Variants in GABPB1 observed in about 807,000 individuals in gnomAD.
GABPB1 encodes GA-binding protein subunit beta-1.
In GABPB1, 15 loss-of-function variants were observed where a neutral mutation model predicts 45.9. The ratio of observed to expected loss-of-function variants is 0.33; its 90% CI spans 0.22 to 0.50. The LOEUF (loss-of-function observed/expected upper bound fraction) is 0.50. Among genes scored for constraint, GABPB1 ranks in the 20% least tolerant of loss-of-function variants. The pLI is 0.98. For missense variants in GABPB1, 252 were observed against 457.5 expected (o/e 0.55, Z 4.10); for synonymous variants, 143 against 154.4 (o/e 0.93, Z 0.55).
intron 1 of GABPB1, among the ~76,000 whole-genome samples, chr15:50,345,097 T>C (rs933721580): frequency 4.6e-5 from 7 of 152,040 alleles, no homozygotes; most frequent in African/African-American, 1.7e-4. Flanking sequence ...CAAGTACTGA[T>C]GAGACTAACA....
Position 50,300,759 on chromosome 15 carries a change from T to C in GABPB1, c.697+30A>G, listed in dbSNP as rs372260818. ...GGCACCCAGCCTGAATCTGCAATTT[T>C]AATGTACACATTAGACTCGTTTTTC... On this transcript the variant is annotated intron_variant, in intron 6 of 8. Transcript: ENST00000380877. 5.0e-6 allele frequency: 7 copies of C among 1,386,976 alleles called. No homozygotes were observed. The African/African-American group carries it at 9.9e-5, about 20-fold the overall frequency. The allele number at this position is 1,386,976 out of a possible 1,614,324, so 85.9% of individuals were successfully genotyped here. A position where few individuals can be genotyped will look rare whatever the true frequency, so the allele number is the denominator to read the frequency against.
chr15:50,279,666 A>G (rs1343383060), intron 8 of GABPB1, among the ~76,000 whole-genome samples: 1 of 152,178 alleles, frequency 6.6e-6, no homozygotes, highest in Non-Finnish European at 1.5e-5. Context: ...AAGTGAGCAC[A>G]AGGACAAAAG....
intron 1 of GABPB1, among the ~76,000 whole-genome samples, chr15:50,321,812 T>A (rs1306946210): frequency 2.0e-5 from 3 of 152,160 alleles, no homozygotes; most frequent in Non-Finnish European, 4.4e-5. Flanking sequence ...AATGTTTGCC[T>A]TTTTTAAATG....
chr15:50,319,519 T>A (rs4775876), intron 1 of GABPB1, among the ~76,000 whole-genome samples: 71,506 of 151,882 alleles, frequency 0.47, 18,261 homozygotes, highest in Middle Eastern at 0.65. Flanking sequence ...CACGTATAAG[T>A]CAGAACTGTG....
intron 6 of GABPB1, among the ~76,000 whole-genome samples, chr15:50,292,776 A>G (rs1375125095): frequency 6.6e-6 from 1 of 152,156 alleles, no homozygotes; most frequent in Non-Finnish European, 1.5e-5. Context: ...GATACATGCC[A>G]AAGTAAAGGT....
At chr15:50,296,361 A>T (rs6493426) in intron 6 of GABPB1, among the ~76,000 whole-genome samples, 19 of 152,116 alleles carry the variant, frequency 1.2e-4, no homozygotes, top group Non-Finnish European at 2.5e-4. Flanking sequence ...CTATTACTAG[A>T]AAAAGCTATA....
chr15:50,316,740 CACAA>C (rs1414173879), intron 1 of GABPB1, among the ~76,000 whole-genome samples: 6 of 151,916 alleles, frequency 3.9e-5, no homozygotes, highest in East Asian at 1.9e-4. Flanking sequence ...AAAAAACAAC[CACAA>C]ACAATGATTA....
chr15:50,300,727 G>T, intron 6 of GABPB1, 62 bp downstream of exon 6: 1 of 1,033,990 alleles, frequency 9.7e-7, no homozygotes, highest in East Asian at 2.4e-5. Context: ...TTACAGGTGT[G>T]AGCCACGGCA....
chr15:50,327,518 G>A (rs11855823), intron 1 of GABPB1, among the ~76,000 whole-genome samples: 74,780 of 151,946 alleles, frequency 0.49, 19,501 homozygotes, highest in Middle Eastern at 0.65. Flanking sequence ...TTCACCATCT[G>A]GTAGGGAAGA....
At chr15:50,289,444 A>G in intron 7 of GABPB1, 39 bp downstream of exon 7, 1 of 1,401,250 alleles carries the variant, frequency 7.1e-7, no homozygotes, top group South Asian at 1.4e-5. Flanking sequence ...AATTAAAAAA[A>G]AAAAACATAC....
chr15:50,306,620 C>G (rs2046957715), intron 2 of GABPB1, among the ~76,000 whole-genome samples: 1 of 146,196 alleles, frequency 6.8e-6, no homozygotes, highest in South Asian at 2.2e-4. Context: ...GAGCGAAACT[C>G]TGTCTCAAAA....
At chr15:50,306,027 T>C (rs1001399527) in intron 2 of GABPB1, among the ~76,000 whole-genome samples, 3 of 152,062 alleles carry the variant, frequency 2.0e-5, no homozygotes, top group African/African-American at 7.2e-5. Flanking sequence ...CAGGCTAGAA[T>C]GCAGTGGAGC....
chr15:50,304,126 GT>G lies in GABPB1; in HGVS notation c.115del (p.Thr39LeufsTer6). On this transcript the variant is annotated frameshift_variant, in exon 3 of 9. Transcript: ENST00000380877. LOFTEE classifies it high-confidence loss of function. ...CTGTGCTGCTAGATGAAGTGGAGAA[GT>G]TCCCAGCTGTACCACAGAAAAAAAA... ...GAPFTTDWLGTSPLHLAAQYG... is the reference protein window; with the variant it reads ...GAPFTTDWLGXSPLHLAAQYG... 1 of 1,581,474 alleles carries G rather than the reference GT, an allele frequency of 6.3e-7. No individual in the cohort carries two copies. The highest frequency in any genetic ancestry group is 1.2e-5 in the South Asian group (1 of 84,252).
chr15:50,290,129 G>A (rs1195478581), intron 6 of GABPB1, among the ~76,000 whole-genome samples: 1 of 152,162 alleles, frequency 6.6e-6, no homozygotes, highest in African/African-American at 2.4e-5. Flanking sequence ...GTCGCCAGAG[G>A]TGTTGGAGAT....
At chr15:50,350,140 A>G (rs946335266) in intron 1 of GABPB1, 4 of 151,948 alleles carry the variant, frequency 2.6e-5, no homozygotes, top group African/African-American at 9.7e-5. Flanking sequence ...GTTGTTTACA[A>G]TTTTACCATA....
chr15:50,331,079 A>C (rs1450756145), intron 1 of GABPB1, among the ~76,000 whole-genome samples: 4 of 152,212 alleles, frequency 2.6e-5, no homozygotes, highest in Non-Finnish European at 5.9e-5. Context: ...CATGATGCAC[A>C]AGTCATTCTC....
chr15:50,286,014 T>C (rs776534214), intron 8 of GABPB1, 54 bp downstream of exon 8: 18 of 1,582,308 alleles, frequency 1.1e-5, no homozygotes, highest in South Asian at 2.3e-5. Context: ...ACAAAAAAAA[T>C]TGAATTTATT....
Position 50,324,708 on chromosome 15 carries a change from C to A in GABPB1, c.1-14910G>T, listed in dbSNP as rs369709342. Among the ~76,000 whole-genome samples the A allele has an allele frequency of 9.2e-5, 14 of 152,070 alleles. No individual in the cohort carries two copies. The East Asian group carries it at 2.7e-3, about 29-fold the overall frequency. On this transcript the variant is annotated intron_variant, in intron 1 of 8. Transcript: ENST00000380877. The stretch of plus-strand genomic sequence containing the variant: ...TACAGGCGCATGCCACCACGCCCAG[C>A]TAATTTTTTTGTATTTTTAGTAGAG...
At chr15:50,302,005 G>A (rs978065063) in intron 4 of GABPB1, among the ~76,000 whole-genome samples, 3 of 152,136 alleles carry the variant, frequency 2.0e-5, no homozygotes, top group Non-Finnish European at 4.4e-5. Context: ...AGTAACTAGT[G>A]GAAGCTCAAA....
Sources: gnomAD v4.1 joint callset for allele counts (sites outside exome capture counted in the v4.1 genomes callset) on GRCh38, gnomAD v4.1.1 for gene constraint, MANE v1.5 for transcripts, NCBI Gene and HGNC (gene_info 2026-07-23, HGNC 2026-07-21) for gene names.